ZRANB1: variants seen among roughly 807,000 people sequenced by gnomAD.
ZRANB1 encodes zinc finger RANBP2-type containing 1, also known as ubiquitin thioesterase ZRANB1.
A neutral mutation model predicts 80.5 loss-of-function variants in ZRANB1; 16 were observed. The observed-to-expected ratio is 0.20, with a 90% CI of 0.13 to 0.30. The LOEUF is 0.30. ZRANB1 is among the 10% of genes least tolerant of loss of function. ZRANB1 has a pLI of 1.00. For synonymous variants in ZRANB1, 291 were observed against 293.1 expected, an observed-to-expected ratio of 0.99 and a Z score of 0.07; for missense variants, 576 against 862.6, an observed-to-expected ratio of 0.67 and a Z score of 4.16.
chr10:124,967,050 CAG>C (rs1286485136), intron 2 of ZRANB1, among the ~76,000 whole-genome samples: 7 of 152,148 alleles, frequency 4.6e-5, no homozygotes, highest in African/African-American at 1.4e-4. Flanking sequence ...ATTCAATTAA[CAG>C]ATATTTATTG....
chr10:124,940,671 A>G, upstream of ZRANB1: 1 of 521,372 alleles, frequency 1.9e-6, no homozygotes, highest in Non-Finnish European at 3.0e-6. Context: ...ATAATACAGT[A>G]TACTTCAAAA....
chr10:124,952,644 C>G (rs189591977), intron 1 of ZRANB1, among the ~76,000 whole-genome samples: 3 of 151,532 alleles, frequency 2.0e-5, no homozygotes, highest in African/African-American at 7.2e-5. Context: ...AGTTTTCGCT[C>G]TTGTTGCCTA....
chr10:124,966,122 T>A (rs761995925), intron 1 of ZRANB1, among the ~76,000 whole-genome samples: 2 of 152,118 alleles, frequency 1.3e-5, no homozygotes, highest in Non-Finnish European at 2.9e-5. Flanking sequence ...TAAAGAGCAG[T>A]ATGGAAAGCT....
In ZRANB1 at chr10:124,984,926, C is replaced by G; in HGVS notation, c.2061C>G (p.Tyr687Ter). 6.2e-7 allele frequency: 1 copy of G among 1,613,846 alleles called. No individual in the cohort carries two copies. The highest frequency in any genetic ancestry group is 8.5e-7 in the Non-Finnish European group (1 of 1,179,986). Residue 687 changes from tyrosine (Y) to a stop codon, truncating the protein, a stop_gained, in exon 9 of 9, where the codon TAC (tyrosine) becomes TAG (stop). Transcript: ENST00000359653. LOFTEE classifies it high-confidence loss of function. ...TGGTAGAAAAATGGCTTGACCGCTACCGACAGATCCGGCCGTGTACATCCC... is the reference window on the plus strand; with the variant it reads ...TGGTAGAAAAATGGCTTGACCGCTAGCGACAGATCCGGCCGTGTACATCCC... ...TQMVEKWLDR[Y>*]RQIRPCTSLS...
At chr10:124,949,794 T>A (rs1951620745) in intron 1 of ZRANB1, among the ~76,000 whole-genome samples, 1 of 152,152 alleles carries the variant, frequency 6.6e-6, no homozygotes, top group Admixed American at 6.5e-5. Flanking sequence ...CCACCTGGCC[T>A]GAAACTGGAA....
chr10:124,953,504 T>C (rs1320040264), intron 1 of ZRANB1, among the ~76,000 whole-genome samples: 2 of 152,234 alleles, frequency 1.3e-5, no homozygotes, highest in African/African-American at 4.8e-5. Context: ...GAAATAAATA[T>C]GCCTGTATGA....
chr10:124,979,835 A>G (rs1272590714), intron 5 of ZRANB1, among the ~76,000 whole-genome samples: 1 of 152,222 alleles, frequency 6.6e-6, no homozygotes, highest in Non-Finnish European at 1.5e-5. Flanking sequence ...CATAAAAGTA[A>G]GGGTTTGTTT....
chr10:124,964,387 A>C (rs1951760992), intron 1 of ZRANB1, among the ~76,000 whole-genome samples: 1 of 152,192 alleles, frequency 6.6e-6, no homozygotes, highest in Non-Finnish European at 1.5e-5. Context: ...AGGAAATCTT[A>C]AGAATTTCTA....
Position 124,985,072 on chromosome 10 carries a change from C to A in ZRANB1, c.*80C>A. On this transcript the variant is annotated 3_prime_UTR_variant, in exon 9 of 9. Transcript: ENST00000359653. ...GTTAGTGTGGTGCTCCAAGCAGAGT[C>A]GACATCATGGAATGAACCAAATCTG... is the stretch of plus-strand genomic sequence containing the variant. The A allele has an allele frequency of 3.4e-6, 4 of 1,174,582 alleles. No individual in the cohort carries two copies. Among genetic ancestry groups the A allele is most frequent in the South Asian group, 1.4e-5 (1 of 71,692 alleles). 72.8% of individuals were successfully genotyped at this position (1,174,582 alleles called of 1,614,324 possible). A position where few individuals can be genotyped will look rare whatever the true frequency, so the allele number is the denominator to read the frequency against.
the ZRANB1 span, among the ~76,000 whole-genome samples, chr10:124,926,827 A>G: frequency 6.6e-6 from 1 of 152,230 alleles, no homozygotes; most frequent in African/African-American, 2.4e-5. Context: ...GTATTGTGCC[A>G]TGACATTATG....
intron 1 of ZRANB1, among the ~76,000 whole-genome samples, chr10:124,952,079 C>G (rs546853125): frequency 1.3e-5 from 2 of 152,168 alleles, no homozygotes; most frequent in South Asian, 2.1e-4. Flanking sequence ...CCCTCTACCC[C>G]CTCTTTGGGC....
intron 1 of ZRANB1, among the ~76,000 whole-genome samples, chr10:124,955,811 TGTAGGGAACAC>T (rs781518774): frequency 6.6e-6 from 1 of 152,236 alleles, no homozygotes; most frequent in Non-Finnish European, 1.5e-5. Context: ...TATTCTCATC[TGTAGGGAACAC>T]ACATGCCTGT....
At chr10:124,957,945 G>T (rs1264709439) in intron 1 of ZRANB1, among the ~76,000 whole-genome samples, 1 of 152,058 alleles carries the variant, frequency 6.6e-6, no homozygotes, top group Non-Finnish European at 1.5e-5. Context: ...GGCCAGGCTG[G>T]TCTCGAACTC....
chr10:124,984,703 C>G, intron 8 of ZRANB1, 71 bp from the exon 9 acceptor site: 1 of 1,490,986 alleles, frequency 6.7e-7, no homozygotes, highest in Non-Finnish European at 9.1e-7. Flanking sequence ...CTGTAGGTTT[C>G]CATGTCACAT....
rs1481680702 is a variant in ZRANB1 at position 124,974,346 on chromosome 10, G to C, written c.1375G>C (p.Asp459His). The change falls in exon 5 of 9, where the codon GAC becomes CAC. Residue 459 changes from aspartate (D) to histidine (H), a missense_variant. Coordinates refer to ENST00000359653, the MANE Select transcript of ZRANB1 (RefSeq NM_017580.3). ...LQATWGIYDK[D>H]SVLRKALHDS... ...AGCTACCTGGGGCATCTATGACAAG[G>C]ACTCAGTGCTTCGGAAAGCCCTGCA... 1 of 1,614,124 alleles carries C rather than the reference G, an allele frequency of 6.2e-7. No homozygotes were observed. The highest frequency in any genetic ancestry group is 8.5e-7 in the Non-Finnish European group (1 of 1,180,054).
chr10:124,948,971 T>C (rs1210096564), intron 1 of ZRANB1, among the ~76,000 whole-genome samples: 1 of 152,168 alleles, frequency 6.6e-6, no homozygotes, highest in African/African-American at 2.4e-5. Flanking sequence ...TGTTTTTCAA[T>C]AGTTGGGGCT....
upstream of ZRANB1, among the ~76,000 whole-genome samples, chr10:124,941,515 G>C (rs1201764510): frequency 6.6e-6 from 1 of 151,956 alleles, no homozygotes; most frequent in Non-Finnish European, 1.5e-5. Context: ...ACCATGCACG[G>C]CTAATTTTTG....
At chr10:124,919,338 A>G in the ZRANB1 span, among the ~76,000 whole-genome samples, 2 of 152,140 alleles carry the variant, frequency 1.3e-5, no homozygotes, top group African/African-American at 4.8e-5. Context: ...TGAGGTCAGT[A>G]GTTCGAGACC....
chr10:124,948,734 G>A (rs1005205358), intron 1 of ZRANB1, among the ~76,000 whole-genome samples: 2 of 151,716 alleles, frequency 1.3e-5, no homozygotes. Flanking sequence ...TTTATTATTT[G>A]TCTCTCTCTA....
Sources: allele counts gnomAD v4.1 joint callset (sites outside exome capture counted in the v4.1 genomes callset), GRCh38; gene constraint gnomAD v4.1.1; transcripts MANE v1.5; gene names NCBI Gene and HGNC (gene_info 2026-07-23, HGNC 2026-07-21).